Variants in INPP5A observed in about 807,000 individuals in gnomAD.
The protein encoded by INPP5A is 43 kDa inositol polyphosphate 5-phophatase.
INPP5A carries 14 observed loss-of-function variants against 65.2 expected under a neutral mutation model. The observed-to-expected ratio is 0.21, with a 90% CI of 0.14 to 0.34. INPP5A has a LOEUF of 0.34. Ranked by LOEUF, INPP5A falls within the 10% of genes least tolerant of loss-of-function variation. INPP5A has a pLI of 1.00. For missense variants in INPP5A, 431 were observed against 545.6 expected, an observed-to-expected ratio of 0.79 and a Z score of 2.09; for synonymous variants, 207 against 208.3, an observed-to-expected ratio of 0.99 and a Z score of 0.05.
chr10:132,629,370 C>T (rs1406767837), intron 2 of INPP5A, among the ~76,000 whole-genome samples: 3 of 152,206 alleles, frequency 2.0e-5, no homozygotes. Context: ...CCCATCCTCT[C>T]GAGCCAGGGC....
rs748536319 is a variant in INPP5A at position 132,749,754 on chromosome 10, C to A, written c.829-17C>A. ...CTGGGGGAGCTCAGGTGCTCATGGG[C>A]CACTCTGACTTCACAGGTTATGCTC... On this transcript the variant is annotated splice_polypyrimidine_tract_variant and intron_variant, in intron 10 of 15. Coordinates refer to ENST00000368594, the MANE Select transcript of INPP5A (RefSeq NM_005539.5). The A allele has an allele frequency of 1.4e-5, 22 of 1,612,040 alleles. No homozygotes were observed. The highest frequency in any genetic ancestry group is 1.7e-5 in the Non-Finnish European group (20 of 1,179,188).
intron 2 of INPP5A, among the ~76,000 whole-genome samples, chr10:132,613,082 G>A (rs12412569): frequency 2.6e-5 from 4 of 152,310 alleles, no homozygotes; most frequent in Admixed American, 2.6e-4. Context: ...GAATCCCCAC[G>A]TACATGTCCC....
intron 2 of INPP5A, among the ~76,000 whole-genome samples, chr10:132,624,891 C>A (rs1298154185): frequency 8.6e-5 from 13 of 152,028 alleles, no homozygotes; most frequent in Non-Finnish European, 1.5e-4. Flanking sequence ...GGGCCCACAC[C>A]GTGGCATCTG....
intron 1 of INPP5A, among the ~76,000 whole-genome samples, chr10:132,542,400 C>A (rs1036142076): frequency 6.6e-6 from 1 of 152,012 alleles, no homozygotes; most frequent in South Asian, 2.1e-4. Flanking sequence ...GGTATGGAGT[C>A]GGTGATGGTC....
chr10:132,775,943 T>C (rs1847056096), intron 12 of INPP5A, among the ~76,000 whole-genome samples: 1 of 152,152 alleles, frequency 6.6e-6, no homozygotes, highest in Non-Finnish European at 1.5e-5. Flanking sequence ...TCACCTATTG[T>C]GTGCTGTGTG....
At chr10:132,604,830 A>G (rs1277079818) in intron 1 of INPP5A, among the ~76,000 whole-genome samples, 1 of 152,210 alleles carries the variant, frequency 6.6e-6, no homozygotes, top group African/African-American at 2.4e-5. Context: ...CAGTGAAGGC[A>G]TGGGGGCTGT....
At chr10:132,729,588 A>G (rs1418109618) in intron 9 of INPP5A, among the ~76,000 whole-genome samples, 1 of 152,084 alleles carries the variant, frequency 6.6e-6, no homozygotes, top group Non-Finnish European at 1.5e-5. Flanking sequence ...AAGCAAGACC[A>G]TGCTCGCCCC....
At position 132,782,983 on chromosome 10, in the gene INPP5A, A is replaced by G. The variant is rs1247146339; in HGVS notation, c.*954A>G. 2.0e-5 allele frequency: 3 copies of G among 152,406 alleles called. No individual in the cohort carries two copies. The highest frequency in any genetic ancestry group is 7.2e-5 in the African/African-American group (3 of 41,428). 9.4% of individuals were successfully genotyped at this position (152,406 alleles called of 1,614,324 possible). On this transcript the variant is annotated 3_prime_UTR_variant, in exon 16 of 16. Coordinates refer to ENST00000368594, the MANE Select transcript of INPP5A (RefSeq NM_005539.5). This position sits in a 1 kb window ranked among gnomAD's most constrained non-coding sequence, Gnocchi z 4.4. Reference sequence around the variant, plus strand: ...TATCCTACGTTACAACAATAATATCATGGGAGAAATAGAAATAGCCTAGTT... The same window carrying G: ...TATCCTACGTTACAACAATAATATCGTGGGAGAAATAGAAATAGCCTAGTT...
intron 8 of INPP5A, among the ~76,000 whole-genome samples, chr10:132,726,483 C>T (rs1468458559): frequency 6.6e-6 from 1 of 152,212 alleles, no homozygotes; most frequent in Non-Finnish European, 1.5e-5. Flanking sequence ...CTTTCCCGTT[C>T]TCGGGGCAGC....
intron 2 of INPP5A, among the ~76,000 whole-genome samples, chr10:132,618,372 A>G (rs768547466): frequency 2.6e-5 from 4 of 152,226 alleles, no homozygotes; most frequent in Non-Finnish European, 5.9e-5. Context: ...TTCTGTGGTC[A>G]AGAATCATTT....
chr10:132,709,423 A>G (rs1431030021), intron 7 of INPP5A, among the ~76,000 whole-genome samples: 1 of 134,248 alleles, frequency 7.4e-6, no homozygotes, highest in Non-Finnish European at 1.6e-5. Flanking sequence ...AGAAAGAGGA[A>G]GAAGAGGGAG....
chr10:132,563,434 A>G (rs964598063), intron 1 of INPP5A, among the ~76,000 whole-genome samples: 1 of 152,242 alleles, frequency 6.6e-6, no homozygotes, highest in African/African-American at 2.4e-5. Flanking sequence ...AATCAAGGAC[A>G]GTGAACAGCA....
chr10:132,707,868 A>C lies in INPP5A; in HGVS notation c.475-445A>C, dbSNP rs918301737. 3.9e-5 allele frequency among the ~76,000 whole-genome samples: 6 copies of C among 152,122 alleles called. No individual in the cohort carries two copies. Among genetic ancestry groups the C allele is most frequent in the East Asian group, 1.9e-4 (1 of 5,186 alleles). ...GGGTGGTGGGGATCAGTGAGAGACCACACACACTGTTGGGGTGGGCAGGTC... is the reference window on the plus strand; with the variant it reads ...GGGTGGTGGGGATCAGTGAGAGACCCCACACACTGTTGGGGTGGGCAGGTC... On this transcript the variant is annotated intron_variant, in intron 6 of 15. Transcript: ENST00000368594. This position sits in a 1 kb window ranked among gnomAD's most constrained non-coding sequence, Gnocchi z 5.5.
Position 132,549,777 on chromosome 10 carries a change from C to T in INPP5A, c.75+11606C>T, listed in dbSNP as rs2071027067. On this transcript the variant is annotated intron_variant, in intron 1 of 15. Transcript: ENST00000368594. This position sits in a 1 kb window ranked among gnomAD's most constrained non-coding sequence, Gnocchi z 4.9. ...GTTCCTGCAGCCCCCACTCTCTGCC[C>T]CTGGTCTGAATGGTGGGGTTGGTGT... Among the ~76,000 whole-genome samples, 1 of 152,256 alleles carries T rather than the reference C, an allele frequency of 6.6e-6. No individual in the cohort carries two copies. The highest frequency in any genetic ancestry group is 6.5e-5 in the Admixed American group (1 of 15,294).
chr10:132,560,730 C>T (rs1369478084), intron 1 of INPP5A, among the ~76,000 whole-genome samples: 1 of 152,100 alleles, frequency 6.6e-6, no homozygotes, highest in Non-Finnish European at 1.5e-5. Context: ...AGCAGTGTCT[C>T]ACGTAGCTGG....
At chr10:132,563,765 G>A (rs537633093) in intron 1 of INPP5A, among the ~76,000 whole-genome samples, 1 of 152,308 alleles carries the variant, frequency 6.6e-6, no homozygotes, top group South Asian at 2.1e-4. Flanking sequence ...TTGGTTGTTG[G>A]TTTTCCTTGC....
chr10:132,734,105 C>T (rs772316520), intron 9 of INPP5A, among the ~76,000 whole-genome samples: 32 of 152,228 alleles, frequency 2.1e-4, no homozygotes, highest in South Asian at 2.1e-4. Flanking sequence ...GATTCAGGCT[C>T]GGTCCACGCC....
intron 1 of INPP5A, among the ~76,000 whole-genome samples, chr10:132,572,010 A>G (rs1161819966): frequency 6.6e-6 from 1 of 152,176 alleles, no homozygotes; most frequent in Admixed American, 6.5e-5. Flanking sequence ...CCTGACTAGA[A>G]GAGACTCAGG....
chr10:132,554,910 ATGGTGTGGGTGGCATGGT>A (rs1364745583), intron 1 of INPP5A, among the ~76,000 whole-genome samples: 3 of 114,224 alleles, frequency 2.6e-5, no homozygotes, highest in Non-Finnish European at 5.3e-5. Context: ...TATGGGTGGC[ATGGTGTGGGTGGCATGGT>A]TGGTGTGGGT....
Sources: gnomAD v4.1 joint callset for allele counts (sites outside exome capture counted in the v4.1 genomes callset) on GRCh38, gnomAD v4.1.1 for gene constraint, Gnocchi (gnomAD v3.1) non-coding constraint, MANE v1.5 for transcripts, NCBI Gene and HGNC (gene_info 2026-07-23, HGNC 2026-07-21) for gene names.